The following ANKLE2 variants were observed in gnomAD, a reference collection of about 807,000 sequenced individuals.
The protein encoded by ANKLE2 is ankyrin repeat and LEM domain-containing protein 2.
Under a neutral mutation model 84.2 loss-of-function variants are expected in ANKLE2, and 55 were observed. The observed-to-expected ratio is 0.65, with a 90% CI of 0.53 to 0.82. The LOEUF is 0.82. ANKLE2 is among the 40% of genes least tolerant of loss of function. ANKLE2 has a pLI of 0.00. For synonymous variants in ANKLE2, 551 were observed against 486.1 expected, an observed-to-expected ratio of 1.13 and a Z score of -1.76; for missense variants, 1,238 against 1,201.9, an observed-to-expected ratio of 1.03 and a Z score of -0.44.
chr12:132,761,298 G>C (rs1325722066), intron 1 of ANKLE2: 1 of 232,472 alleles, frequency 4.3e-6, no homozygotes, highest in East Asian at 8.4e-5. Context: ...CCCTCCCCAG[G>C]TCTCGAGAGA....
chr12:132,734,389 C>T lies in ANKLE2; in HGVS notation c.1887G>A (p.Thr629=), dbSNP rs373064405. 1.2e-5 allele frequency: 19 copies of T among 1,613,932 alleles called. No homozygotes were observed. The highest frequency in any genetic ancestry group is 5.3e-5 in the African/African-American group (4 of 74,942). The change falls in exon 10 of 13, where the codon ACG becomes ACA. Residue 629 remains threonine, a synonymous_variant. Coordinates refer to ENST00000357997, the MANE Select transcript of ANKLE2 (RefSeq NM_015114.3). ...REASCRDKAT[T]SGSNSISVRA... is the part of the protein sequence containing the mutation. The stretch of plus-strand genomic sequence containing the variant: ...GCCACGCCTGCACATGCTTACCAGA[C>T]GTGGTGGCTTTATCTCGGCAGGAGG...
intron 10 of ANKLE2, 72 bp from the exon 11 acceptor site, chr12:132,730,342 T>G: frequency 1.9e-6 from 1 of 532,608 alleles, no homozygotes. Flanking sequence ...GCCCCATCCA[T>G]GACCAACTGC....
intron 7 of ANKLE2, 42 bp downstream of exon 7, chr12:132,741,377 C>G (rs373579898): frequency 6.2e-7 from 1 of 1,600,656 alleles, no homozygotes; most frequent in African/African-American, 1.3e-5. Context: ...AGGCCCTTCC[C>G]GGCGTGGACC....
intron 7 of ANKLE2, among the ~76,000 whole-genome samples, chr12:132,740,109 G>A (rs1478366287): frequency 3.3e-5 from 5 of 152,192 alleles, no homozygotes; most frequent in East Asian, 1.9e-4. Context: ...GCAGACTCTC[G>A]GCTCTTCAGG....
At chr12:132,746,464 C>T (rs1416649071) in intron 5 of ANKLE2, among the ~76,000 whole-genome samples, 1 of 151,898 alleles carries the variant, frequency 6.6e-6, no homozygotes, top group African/African-American at 2.4e-5. Context: ...AGAAGGAATG[C>T]AATCACCCAG....
At chr12:132,732,184 G>A (rs2043868971) in intron 10 of ANKLE2, 2 of 145,068 alleles carry the variant, frequency 1.4e-5, no homozygotes, top group Admixed American at 6.9e-5. Flanking sequence ...TACGCACCGT[G>A]TGAAGCGCTC....
intron 5 of ANKLE2, among the ~76,000 whole-genome samples, chr12:132,747,043 CGGGGG>C (rs756348730): frequency 6.6e-6 from 1 of 152,152 alleles, no homozygotes; most frequent in Admixed American, 6.5e-5. Context: ...GGGCCTGGCC[CGGGGG>C]GCACTCATCA....
At chr12:132,730,603 G>A (rs1018906713) in intron 10 of ANKLE2, 7 of 317,098 alleles carry the variant, frequency 2.2e-5, no homozygotes, top group East Asian at 1.4e-4. Flanking sequence ...CAGGGGGGTC[G>A]CTGGACCCCA....
At position 132,743,659 on chromosome 12, in the gene ANKLE2, TA is replaced by T. The variant is rs72471890; in HGVS notation, c.1231-384del. 0.54 allele frequency among the ~76,000 whole-genome samples: 80,602 copies of T among 148,288 alleles called. 21,949 individuals carry two copies. Among genetic ancestry groups the T allele is most frequent in the Non-Finnish European group, 0.57 (38,508 of 67,112 alleles). On this transcript the variant is annotated intron_variant, in intron 5 of 12. Transcript: ENST00000357997. The surrounding 1 kb of genome is among the most constrained non-coding windows in gnomAD (Gnocchi z 4.1). ...TCACCGAGCCTGGCTTATACTTTTT[TA>T]AAAAAAAAAAGACTCACAAACAAAA...
chr12:132,753,422 G>A (rs1173319850), intron 2 of ANKLE2, among the ~76,000 whole-genome samples: 1 of 152,000 alleles, frequency 6.6e-6, no homozygotes, highest in African/African-American at 2.4e-5. Flanking sequence ...TCGCTTGAGG[G>A]CAGTTCGAGA....
Position 132,727,263 on chromosome 12 carries a change from C to A in ANKLE2, c.2796G>T (p.Leu932=). ...HGSQLRRMAR[L]AELAAL ...AAGCCTACAGGGCGGCAAGCTCAGC[C>A]AGGCGCGCCATCCTGCGGAGCTGGC... is the stretch of plus-strand genomic sequence containing the variant. Residue 932 remains leucine (L), a synonymous_variant, in exon 13 of 13, where the codon CTG becomes CTT. Coordinates refer to ENST00000357997, the MANE Select transcript of ANKLE2 (RefSeq NM_015114.3). The A allele has an allele frequency of 6.4e-7, 1 of 1,560,880 alleles. No individual in the cohort carries two copies. Among genetic ancestry groups the A allele is most frequent in the Non-Finnish European group, 8.7e-7 (1 of 1,152,168 alleles).
chr12:132,760,437 C>T (rs929257281), intron 1 of ANKLE2: 18 of 152,256 alleles, frequency 1.2e-4, no homozygotes, highest in African/African-American at 4.3e-4. Flanking sequence ...ACCAGCAGAC[C>T]CCCACAGGTT....
At chr12:132,758,089 CCA>C (rs1675349539) in intron 1 of ANKLE2, 1 of 152,034 alleles carries the variant, frequency 6.6e-6, no homozygotes, top group Non-Finnish European at 1.5e-5. Flanking sequence ...CCAGTTTGGA[CCA>C]CAGTTTACTG....
chr12:132,740,219 G>A (rs1013438460), intron 7 of ANKLE2, among the ~76,000 whole-genome samples: 2 of 152,160 alleles, frequency 1.3e-5, no homozygotes, highest in Admixed American at 6.5e-5. Flanking sequence ...AACTCTCGCC[G>A]CTAACAGCAT....
chr12:132,738,504 T>C (rs1292525147), intron 7 of ANKLE2: 1 of 151,410 alleles, frequency 6.6e-6, no homozygotes, highest in Non-Finnish European at 1.5e-5. Flanking sequence ...TTTCTTATGT[T>C]AAAGGCTTAT....
intron 5 of ANKLE2, 140 bp downstream of exon 5, chr12:132,747,692 G>T: frequency 9.4e-7 from 1 of 1,067,994 alleles, no homozygotes; most frequent in Non-Finnish European, 1.3e-6. Context: ...TGGTAAGAAG[G>T]CAGGTTGCAG....
intron 3 of ANKLE2, chr12:132,748,888 C>T (rs893275589): frequency 5.7e-5 from 8 of 140,072 alleles, no homozygotes; most frequent in Admixed American, 1.4e-4. Flanking sequence ...TATATACACA[C>T]GTATTTTTAG....
At chr12:132,753,535 G>C (rs2044406350) in intron 2 of ANKLE2, among the ~76,000 whole-genome samples, 1 of 152,160 alleles carries the variant, frequency 6.6e-6, no homozygotes, top group African/African-American at 2.4e-5. Flanking sequence ...GGAGGCCGAG[G>C]TGGGCAGATC....
Position 132,743,200 on chromosome 12 carries a change from A to C in ANKLE2, c.1307T>G (p.Leu436Trp), listed in dbSNP as rs532089815. The C allele has an allele frequency of 6.2e-7, 1 of 1,612,072 alleles. No homozygotes were observed. Among genetic ancestry groups the C allele is most frequent in the Admixed American group, 1.7e-5 (1 of 59,688 alleles). Residue 436 changes from leucine (L) to tryptophan (W), a missense_variant, in exon 6 of 13, where the codon TTG becomes TGG. By Grantham distance (61) the Leu-to-Trp change is moderately conservative. Transcript: ENST00000357997. The surrounding 1 kb of genome is among the most constrained non-coding windows in gnomAD (Gnocchi z 4.1). ...DVVNVLSSHH[L>W]IVKNSRNKYD... ...TTTATTCCTTGAGTTTTTTACAATCAAATGGTGTGACGAAAGCACGTTGAC... is the reference window on the plus strand; with the variant it reads ...TTTATTCCTTGAGTTTTTTACAATCCAATGGTGTGACGAAAGCACGTTGAC...
Sources: gnomAD v4.1 joint callset for allele counts (sites outside exome capture counted in the v4.1 genomes callset) on GRCh38, gnomAD v4.1.1 for gene constraint, Gnocchi (gnomAD v3.1) non-coding constraint, MANE v1.5 for transcripts, NCBI Gene and HGNC (gene_info 2026-07-23, HGNC 2026-07-21) for gene names.